The following SAMD12 variants were observed in gnomAD, a reference collection of about 807,000 sequenced individuals.
SAMD12 encodes the protein sterile alpha motif domain-containing protein 12.
Under a neutral mutation model 15.0 loss-of-function variants are expected in SAMD12, and 9 were observed. The ratio of observed to expected loss-of-function variants is 0.60; its 90% CI spans 0.36 to 1.05. The LOEUF (loss-of-function observed/expected upper bound fraction) is 1.05, where lower values mean the gene tolerates loss of function less well. Ranked by LOEUF, SAMD12 falls within the 50% of genes least tolerant of loss-of-function variation. SAMD12 has a pLI of 0.01. For synonymous variants in SAMD12, 86 were observed against 90.1 expected, an observed-to-expected ratio of 0.96 and a Z score of 0.25; for missense variants, 230 against 234.2, an observed-to-expected ratio of 0.98 and a Z score of 0.12.
chr8:118,283,118 G>GTACTT (rs145187501), intron 4 of SAMD12, among the ~76,000 whole-genome samples: 18,354 of 151,814 alleles, frequency 0.12, 1,660 homozygotes, highest in East Asian at 0.33. Context: ...TACTTCTCTG[G>GTACTT]TACTTTATTT....
intron 4 of SAMD12, among the ~76,000 whole-genome samples, chr8:118,302,748 G>A (rs1815113981): frequency 1.3e-5 from 2 of 152,184 alleles, no homozygotes; most frequent in Admixed American, 6.5e-5. Context: ...CTTGGTGATT[G>A]AGTCTTCAAA....
intron 2 of SAMD12, among the ~76,000 whole-genome samples, chr8:118,519,115 G>A (rs1324466999): frequency 2.0e-5 from 3 of 152,154 alleles, no homozygotes; most frequent in Non-Finnish European, 4.4e-5. Context: ...AAGCCTTGTG[G>A]GAATGAGAGA....
chr8:118,213,185 T>G (rs1320336650), intron 4 of SAMD12, among the ~76,000 whole-genome samples: 1 of 152,228 alleles, frequency 6.6e-6, no homozygotes, highest in Non-Finnish European at 1.5e-5. Flanking sequence ...ATAGCCTTTC[T>G]CCCTACCTCT....
intron 4 of SAMD12, among the ~76,000 whole-genome samples, chr8:118,220,730 G>A (rs750218456): frequency 2.6e-5 from 4 of 152,166 alleles, no homozygotes; most frequent in Non-Finnish European, 2.9e-5. Context: ...AGACTTGACA[G>A]TTTCTTCATT....
chr8:118,292,349 GAC>G (rs3052706), intron 4 of SAMD12, among the ~76,000 whole-genome samples: 50 of 137,520 alleles, frequency 3.6e-4, no homozygotes, highest in Middle Eastern at 3.8e-3. Flanking sequence ...CAAACACACA[GAC>G]ACACACACAC....
chr8:118,255,764 T>C (rs867674659), intron 4 of SAMD12, among the ~76,000 whole-genome samples: 6 of 152,012 alleles, frequency 3.9e-5, no homozygotes, highest in African/African-American at 1.4e-4. Context: ...TTGTTGGACA[T>C]TTGGGTTGGT....
intron 1 of SAMD12, among the ~76,000 whole-genome samples, chr8:118,611,249 C>G (rs1428117697): frequency 6.6e-6 from 1 of 152,090 alleles, no homozygotes; most frequent in Non-Finnish European, 1.5e-5. Context: ...AAATATCAGT[C>G]CCATAGTTTA....
intron 2 of SAMD12, among the ~76,000 whole-genome samples, chr8:118,551,933 T>C (rs1398656681): frequency 2.6e-5 from 4 of 150,968 alleles, no homozygotes; most frequent in African/African-American, 9.8e-5. Context: ...CTAGAAGAAA[T>C]GGATAAATTC....
At chr8:118,225,052 T>C (rs898944462) in intron 4 of SAMD12, among the ~76,000 whole-genome samples, 2 of 152,120 alleles carry the variant, frequency 1.3e-5, no homozygotes, top group Non-Finnish European at 2.9e-5. Flanking sequence ...TTGGAGAGAG[T>C]GTTTATTGAA....
intron 4 of SAMD12, chr8:118,295,615 A>G (rs1402894301): frequency 6.6e-6 from 1 of 152,014 alleles, no homozygotes; most frequent in Non-Finnish European, 1.5e-5. Context: ...AGACTGCTTA[A>G]TAAGTGCAAT....
chr8:118,304,392 T>C (rs975516946), intron 4 of SAMD12, among the ~76,000 whole-genome samples: 38 of 152,366 alleles, frequency 2.5e-4, no homozygotes, highest in African/African-American at 9.1e-4. Context: ...TCAGCTTCTA[T>C]TATTTCATTA....
At chr8:118,466,053 A>C (rs1304207243) in intron 2 of SAMD12, among the ~76,000 whole-genome samples, 1 of 152,166 alleles carries the variant, frequency 6.6e-6, no homozygotes, top group East Asian at 1.9e-4. Context: ...TCCATCTCAC[A>C]TCTCATCTCA....
intron 3 of SAMD12, among the ~76,000 whole-genome samples, chr8:118,438,129 A>G (rs1329282416): frequency 6.6e-6 from 1 of 152,208 alleles, no homozygotes; most frequent in Admixed American, 6.5e-5. Context: ...TAAGAAAATG[A>G]ATGTAGACAC....
At chr8:118,192,758 CTA>C (rs981993875) in exon 5 of SAMD12, 2 of 152,138 alleles carry the variant, frequency 1.3e-5, no homozygotes, top group African/African-American at 4.8e-5. Context: ...GTCTAAATAT[CTA>C]TGACACTTAT....
At chr8:118,570,215 CTTTAACT>C (rs140919866) in intron 2 of SAMD12, among the ~76,000 whole-genome samples, 2,598 of 152,240 alleles carry the variant, frequency 0.017, 79 homozygotes, top group African/African-American at 0.058. Flanking sequence ...CAATCAGAGA[CTTTAACT>C]TTTAAGTTCA....
At chr8:118,334,869 G>C (rs1028637542) in intron 4 of SAMD12, among the ~76,000 whole-genome samples, 1 of 152,030 alleles carries the variant, frequency 6.6e-6, no homozygotes, top group African/African-American at 2.4e-5. Context: ...GCTGGATTAC[G>C]GGCATGAGAC....
chr8:118,201,316 A>G (rs1205050451), intron 4 of SAMD12, among the ~76,000 whole-genome samples: 3 of 151,924 alleles, frequency 2.0e-5, no homozygotes, highest in Non-Finnish European at 4.4e-5. Context: ...TCTTCTTTAT[A>G]TACCCTCTAG....
chr8:118,154,295 C>T, the SAMD12 span, among the ~76,000 whole-genome samples: 1 of 152,188 alleles, frequency 6.6e-6, no homozygotes, highest in Non-Finnish European at 1.5e-5. Context: ...GCTACCTATT[C>T]TTTAAACATG....
At chr8:118,449,756 G>T (rs1483562280) in intron 2 of SAMD12, among the ~76,000 whole-genome samples, 1 of 144,372 alleles carries the variant, frequency 6.9e-6, no homozygotes, top group Non-Finnish European at 1.5e-5. Flanking sequence ...AGCAGAGATG[G>T]TGCCACTGCA....
Sources: allele counts gnomAD v4.1 joint callset (sites outside exome capture counted in the v4.1 genomes callset), GRCh38; gene constraint gnomAD v4.1.1; transcripts MANE v1.5; gene names NCBI Gene and HGNC (gene_info 2026-07-23, HGNC 2026-07-21).